Variants in SGCZ observed in about 807,000 individuals in gnomAD.
SGCZ encodes zeta-sarcoglycan.
Under a neutral mutation model 41.3 loss-of-function variants are expected in SGCZ, and 40 were observed. The ratio of observed to expected loss-of-function variants is 0.97; its 90% CI spans 0.75 to 1.26. The LOEUF (loss-of-function observed/expected upper bound fraction) is 1.26, where lower values mean the gene tolerates loss of function less well. Ranked by LOEUF, SGCZ falls within the 50% of genes most tolerant of loss-of-function variation. The pLI is 0.00. For synonymous variants in SGCZ, 206 were observed against 137.5 expected, an observed-to-expected ratio of 1.50 and a Z score of -3.49; for missense variants, 552 against 369.8, an observed-to-expected ratio of 1.49 and a Z score of -4.04.
At chr8:14,499,981 A>G (rs572674724) in intron 2 of SGCZ, among the ~76,000 whole-genome samples, 23 of 152,252 alleles carry the variant, frequency 1.5e-4, no homozygotes, top group Non-Finnish European at 2.8e-4. Context: ...TACAAAAAAA[A>G]ACTTTAAAAA....
chr8:14,540,315 T>C (rs556031575), intron 2 of SGCZ, among the ~76,000 whole-genome samples: 134 of 150,974 alleles, frequency 8.9e-4, no homozygotes, highest in African/African-American at 3.0e-3. Context: ...TTGACCTTTT[T>C]TTCATTAGAG....
At chr8:14,150,347 A>C (rs1212106241) in intron 5 of SGCZ, among the ~76,000 whole-genome samples, 1 of 152,148 alleles carries the variant, frequency 6.6e-6, no homozygotes, top group Non-Finnish European at 1.5e-5. Context: ...AATGTCTAAA[A>C]ATTCAATCAA....
At chr8:14,833,241 A>G (rs1020774458) in intron 1 of SGCZ, among the ~76,000 whole-genome samples, 4 of 152,162 alleles carry the variant, frequency 2.6e-5, no homozygotes, top group African/African-American at 9.7e-5. Flanking sequence ...AATGACACAG[A>G]GTAGGTTTAG....
At chr8:14,367,799 G>T (rs931344807) in intron 2 of SGCZ, among the ~76,000 whole-genome samples, 1 of 152,086 alleles carries the variant, frequency 6.6e-6, no homozygotes, top group African/African-American at 2.4e-5. Context: ...TTCAAAATGA[G>T]ATATGGGTCG....
intron 2 of SGCZ, among the ~76,000 whole-genome samples, chr8:14,364,562 G>A (rs12681201): frequency 6.6e-6 from 1 of 151,932 alleles, no homozygotes; most frequent in African/African-American, 2.4e-5. Context: ...ACCTCTCTAG[G>A]TAAACTGCTA....
At chr8:14,879,983 G>A (rs151256841) in intron 1 of SGCZ, among the ~76,000 whole-genome samples, 7,533 of 152,110 alleles carry the variant, frequency 0.05, 215 homozygotes, top group Non-Finnish European at 0.061. Context: ...TGGGACTACA[G>A]GTTTGCACCA....
chr8:15,098,753 A>G (rs1301924017), intron 1 of SGCZ, among the ~76,000 whole-genome samples: 1 of 152,168 alleles, frequency 6.6e-6, no homozygotes, highest in Non-Finnish European at 1.5e-5. Flanking sequence ...CAAATACATG[A>G]ATGAATAAAA....
intron 3 of SGCZ, among the ~76,000 whole-genome samples, chr8:14,249,231 A>G (rs1237575127): frequency 6.6e-6 from 1 of 152,162 alleles, no homozygotes; most frequent in African/African-American, 2.4e-5. Flanking sequence ...AAGCTGGGAC[A>G]TGAGTCTTCT....
At chr8:14,309,155 T>C (rs1801442663) in intron 3 of SGCZ, 1 of 1,470,194 alleles carries the variant, frequency 6.8e-7, no homozygotes, top group Non-Finnish European at 9.5e-7. Flanking sequence ...GGCACTCTGG[T>C]TTTTTAAAAA....
intron 2 of SGCZ, among the ~76,000 whole-genome samples, chr8:14,432,729 C>T (rs930516553): frequency 2.6e-5 from 4 of 151,952 alleles, no homozygotes; most frequent in Admixed American, 1.3e-4. Context: ...GCCTGGCCAA[C>T]GTGGTGAAAC....
chr8:14,838,921 A>T (rs762152552), intron 1 of SGCZ, among the ~76,000 whole-genome samples: 28 of 152,134 alleles, frequency 1.8e-4, no homozygotes, highest in Non-Finnish European at 2.6e-4. Context: ...GGAGACTCAG[A>T]AAGGTGACCA....
At chr8:14,647,279 T>C (rs73664420) in intron 1 of SGCZ, among the ~76,000 whole-genome samples, 5,185 of 152,126 alleles carry the variant, frequency 0.034, 286 homozygotes, top group African/African-American at 0.12. Flanking sequence ...TGCATAACTA[T>C]TCACTAGCAT....
At chr8:14,793,415 TC>T (rs1175036561) in intron 1 of SGCZ, among the ~76,000 whole-genome samples, 1 of 152,176 alleles carries the variant, frequency 6.6e-6, no homozygotes, top group Admixed American at 6.5e-5. Context: ...AATTTTGCTT[TC>T]TTTCAGAAAA....
chr8:14,538,752 G>A (rs1803371342), intron 2 of SGCZ, among the ~76,000 whole-genome samples: 1 of 151,900 alleles, frequency 6.6e-6, no homozygotes, highest in African/African-American at 2.4e-5. Flanking sequence ...CATGAATTAG[G>A]TTGTAAAAGA....
chr8:15,210,797 C>A (rs1487480428), intron 1 of SGCZ, among the ~76,000 whole-genome samples: 1 of 152,130 alleles, frequency 6.6e-6, no homozygotes, highest in East Asian at 1.9e-4. Flanking sequence ...AAGCCACCTA[C>A]TCTCTGAAAG....
At chr8:14,340,430 T>C (rs1802661881) in intron 2 of SGCZ, among the ~76,000 whole-genome samples, 1 of 152,198 alleles carries the variant, frequency 6.6e-6, no homozygotes, top group South Asian at 2.1e-4. Context: ...CTATTTTTCT[T>C]TTATTCACGT....
At chr8:14,691,517 G>C (rs904549492) in intron 1 of SGCZ, among the ~76,000 whole-genome samples, 41 of 151,880 alleles carry the variant, frequency 2.7e-4, no homozygotes, top group African/African-American at 7.5e-4. Flanking sequence ...TAAAAGATCA[G>C]GAATTCCAAA....
intron 1 of SGCZ, among the ~76,000 whole-genome samples, chr8:14,776,518 C>CTTTTTTTTTTTTT (rs35602866): frequency 1.7e-5 from 2 of 116,636 alleles, no homozygotes; most frequent in Non-Finnish European, 3.5e-5. Context: ...TTTTCTTTTT[C>CTTTTTTTTTTTTT]TTTTTTTTTT....
chr8:14,123,198 G>T (rs1802752464), intron 5 of SGCZ, among the ~76,000 whole-genome samples: 1 of 152,166 alleles, frequency 6.6e-6, no homozygotes, highest in East Asian at 1.9e-4. Context: ...CAATAAAGGG[G>T]TGATGAGTAA....
Sources: gnomAD v4.1 joint callset for allele counts (sites outside exome capture counted in the v4.1 genomes callset) on GRCh38, gnomAD v4.1.1 for gene constraint, MANE v1.5 for transcripts, NCBI Gene and HGNC (gene_info 2026-07-23, HGNC 2026-07-21) for gene names.